The following CSNK1G1 variants were observed in gnomAD, a reference collection of about 807,000 sequenced individuals.
CSNK1G1 encodes the protein casein kinase 1 gamma 1, also known as casein kinase I isoform gamma-1.
In CSNK1G1, 22 loss-of-function variants were observed where a neutral mutation model predicts 59.6. The observed-to-expected ratio is 0.37, with a 90% CI of 0.26 to 0.53. The LOEUF (loss-of-function observed/expected upper bound fraction) is 0.53, where lower values mean the gene tolerates loss of function less well. Ranked by LOEUF, CSNK1G1 falls within the 20% of genes least tolerant of loss-of-function variation. CSNK1G1 has a pLI of 0.89. For missense variants in CSNK1G1, 384 were observed against 519.5 expected (o/e 0.74, Z 2.54); for synonymous variants, 179 against 177.1 (o/e 1.01, Z -0.08).
rs571331741 is a variant in CSNK1G1 at position 64,166,191 on chromosome 15, G to A, written c.*5740C>T. The A allele has an allele frequency of 2.4e-5, 11 of 450,348 alleles. No individual in the cohort carries two copies. Among genetic ancestry groups the A allele is most frequent in the Middle Eastern group, 5.5e-4 (1 of 1,820 alleles). The allele number at this position is 450,348 out of a possible 1,614,324, so 27.9% of individuals were successfully genotyped here. On this transcript the variant is annotated 3_prime_UTR_variant, in exon 12 of 12. Transcript: ENST00000303052. This position sits in a 1 kb window ranked among gnomAD's most constrained non-coding sequence, Gnocchi z 4.5. ...TACATTATCTAGTTGTTTAAAAATC[G>A]CAATCAACATCCCAACATCTTTTTA...
At chr15:64,320,402 G>A (rs1482492904) in intron 1 of CSNK1G1, among the ~76,000 whole-genome samples, 2 of 152,026 alleles carry the variant, frequency 1.3e-5, no homozygotes, top group Non-Finnish European at 2.9e-5. Context: ...TATGGGGCCG[G>A]GCACAGTGGC....
intron 4 of CSNK1G1, among the ~76,000 whole-genome samples, chr15:64,242,861 T>C (rs938417342): frequency 5.9e-5 from 9 of 152,098 alleles, no homozygotes; most frequent in African/African-American, 2.2e-4. Context: ...AATCCAACAA[T>C]GTATAAAAAA....
At chr15:64,244,366 T>TAA (rs142844348) in intron 4 of CSNK1G1, among the ~76,000 whole-genome samples, 5 of 110,954 alleles carry the variant, frequency 4.5e-5, no homozygotes, top group South Asian at 2.8e-4. Flanking sequence ...ACTGAAAAAT[T>TAA]AAAAAAAAAA....
chr15:64,192,840 TAAAAAAAAAAAAAAAA>T (rs66643774), intron 10 of CSNK1G1, among the ~76,000 whole-genome samples: 12 of 32,228 alleles, frequency 3.7e-4, no homozygotes, highest in South Asian at 2.0e-3. Context: ...GAGATCTGCC[TAAAAAAAAAAAAAAAA>T]AAAAAAAAAA....
intron 4 of CSNK1G1, among the ~76,000 whole-genome samples, chr15:64,228,592 T>C (rs1567385010): frequency 1.3e-5 from 2 of 152,068 alleles, no homozygotes; most frequent in Admixed American, 1.3e-4. Flanking sequence ...GCCAAGATCA[T>C]GCCACTGTAC....
chr15:64,242,910 T>G (rs1424262819), intron 4 of CSNK1G1, among the ~76,000 whole-genome samples: 1 of 152,176 alleles, frequency 6.6e-6, no homozygotes, highest in East Asian at 1.9e-4. Context: ...ATTCCAGGGA[T>G]GCAAGAATGA....
chr15:64,341,629 C>G (rs1897685439), intron 1 of CSNK1G1, among the ~76,000 whole-genome samples: 1 of 152,102 alleles, frequency 6.6e-6, no homozygotes, highest in African/African-American at 2.4e-5. Flanking sequence ...CGTGCCATGA[C>G]ACCCAGCTAA....
intron 8 of CSNK1G1, 126 bp downstream of exon 8, chr15:64,204,739 C>T: frequency 1.7e-6 from 2 of 1,154,404 alleles, no homozygotes; most frequent in Non-Finnish European, 2.6e-6. Flanking sequence ...ATAAAACCTA[C>T]TTTGGTCTGT....
chr15:64,253,489 G>A (rs565450684), intron 3 of CSNK1G1, among the ~76,000 whole-genome samples: 7 of 152,156 alleles, frequency 4.6e-5, no homozygotes, highest in South Asian at 2.1e-4. Context: ...AAAATGGTGC[G>A]ACCGCTCTGG....
chr15:64,206,362 C>A (rs565656246), intron 7 of CSNK1G1, among the ~76,000 whole-genome samples: 77 of 152,202 alleles, frequency 5.1e-4, no homozygotes, highest in Non-Finnish European at 1.0e-3. Context: ...ATTGCTTGAA[C>A]CCAGGAGGCG....
chr15:64,262,360 C>T (rs1258188150), intron 2 of CSNK1G1, among the ~76,000 whole-genome samples: 1 of 152,188 alleles, frequency 6.6e-6, no homozygotes, highest in African/African-American at 2.4e-5. Context: ...TGGGCACAAG[C>T]AGCACTTGAA....
At chr15:64,273,880 A>T (rs916714856) in intron 2 of CSNK1G1, among the ~76,000 whole-genome samples, 2 of 152,250 alleles carry the variant, frequency 1.3e-5, no homozygotes, top group Non-Finnish European at 2.9e-5. Flanking sequence ...TTAGCGGAGA[A>T]CAGACTTAGT....
At chr15:64,301,926 T>C (rs138160079) in intron 1 of CSNK1G1, among the ~76,000 whole-genome samples, 1 of 151,788 alleles carries the variant, frequency 6.6e-6, no homozygotes, top group African/African-American at 2.4e-5. Flanking sequence ...TTAAGAGAAT[T>C]AGAACAAATG....
At chr15:64,239,722 TACAG>T (rs2082668922) in intron 4 of CSNK1G1, among the ~76,000 whole-genome samples, 1 of 151,914 alleles carries the variant, frequency 6.6e-6, no homozygotes, top group Non-Finnish European at 1.5e-5. Flanking sequence ...TACCAGAAAA[TACAG>T]ACAAGTAAGT....
Position 64,200,849 on chromosome 15 carries a change from A to C in CSNK1G1, c.1107+2233T>G, listed in dbSNP as rs2082097474. Among the ~76,000 whole-genome samples the C allele has an allele frequency of 6.6e-6, 1 of 152,230 alleles. No homozygotes were observed. Among genetic ancestry groups the C allele is most frequent in the African/African-American group, 2.4e-5 (1 of 41,462 alleles). On this transcript the variant is annotated intron_variant, in intron 10 of 11. Coordinates refer to ENST00000303052, the MANE Select transcript of CSNK1G1 (RefSeq NM_022048.5). This position sits in a 1 kb window ranked among gnomAD's most constrained non-coding sequence, Gnocchi z 4.3. ...ACCATGCCTTTATAGGTGGATAGGC[A>C]GATCATTTCTATATCTCTGCTACCA...
At chr15:64,247,512 T>A (rs149176300) in intron 4 of CSNK1G1, among the ~76,000 whole-genome samples, 7 of 152,164 alleles carry the variant, frequency 4.6e-5, no homozygotes, top group African/African-American at 1.4e-4. Flanking sequence ...AAAACTGTAA[T>A]CAAGAAACAA....
chr15:64,348,078 CTA>C (rs2140488361), intron 1 of CSNK1G1, among the ~76,000 whole-genome samples: 1 of 151,390 alleles, frequency 6.6e-6, no homozygotes, highest in African/African-American at 2.4e-5. Flanking sequence ...TTAAAAAGCT[CTA>C]TGTTATATGA....
Position 64,269,528 on chromosome 15 carries a change from C to T in CSNK1G1, c.182-10287G>A, listed in dbSNP as rs191432306. Among the ~76,000 whole-genome samples the T allele has an allele frequency of 5.1e-3, 711 of 140,506 alleles. 4 individuals are homozygous for T. The highest frequency in any genetic ancestry group is 7.9e-3 in the Non-Finnish European group (525 of 66,474). The allele number at this position is 140,506 out of a possible 152,430, so 92.2% of individuals were successfully genotyped here. ...TTTTTTTTTGAGACGGAGTCTTGCT[C>T]TGTGGCCCAGGCTGGAGTGCAGTGG... On this transcript the variant is annotated intron_variant, in intron 2 of 11. Coordinates refer to ENST00000303052, the MANE Select transcript of CSNK1G1 (RefSeq NM_022048.5).
chr15:64,305,181 C>CT (rs1176747274), intron 1 of CSNK1G1, among the ~76,000 whole-genome samples: 1 of 152,008 alleles, frequency 6.6e-6, no homozygotes, highest in African/African-American at 2.4e-5. Flanking sequence ...CAATTGTAAG[C>CT]TTTTCAAAGA....
Sources: gnomAD v4.1 joint callset for allele counts (sites outside exome capture counted in the v4.1 genomes callset) on GRCh38, gnomAD v4.1.1 for gene constraint, Gnocchi (gnomAD v3.1) non-coding constraint, MANE v1.5 for transcripts, NCBI Gene and HGNC (gene_info 2026-07-23, HGNC 2026-07-21) for gene names.